ATL2: variants seen among roughly 807,000 people sequenced by gnomAD.
The protein encoded by ATL2 is atlastin GTPase 2.
Under a neutral mutation model 73.9 loss-of-function variants are expected in ATL2, and 31 were observed. That is an observed-to-expected ratio of 0.42 (90% CI 0.32 to 0.57). The LOEUF is 0.57. Ranked by LOEUF, ATL2 falls within the 20% of genes least tolerant of loss-of-function variation. The pLI, the probability that ATL2 is intolerant of heterozygous loss-of-function variation, is 0.14. For synonymous variants in ATL2, 291 were observed against 237.5 expected (o/e 1.23, Z -2.07); for missense variants, 738 against 702.6 (o/e 1.05, Z -0.57).
intron 2 of ATL2, among the ~76,000 whole-genome samples, chr2:38,339,148 G>A (rs1204327501): frequency 6.6e-6 from 1 of 152,098 alleles, no homozygotes; most frequent in Non-Finnish European, 1.5e-5. Flanking sequence ...CTCAGGAGGC[G>A]GAGGTTGCAG....
At chr2:38,370,188 C>T (rs1269045824) in intron 1 of ATL2, among the ~76,000 whole-genome samples, 2 of 145,434 alleles carry the variant, frequency 1.4e-5, no homozygotes, top group African/African-American at 2.6e-5. Context: ...AAATCAAGAC[C>T]GGGCGGTCGC....
chr2:38,363,431 A>G (rs927238544), intron 1 of ATL2, among the ~76,000 whole-genome samples: 5 of 152,072 alleles, frequency 3.3e-5, no homozygotes, highest in Non-Finnish European at 5.9e-5. Context: ...TTTTTCCAAA[A>G]ATTCCCTAGT....
intron 1 of ATL2, among the ~76,000 whole-genome samples, chr2:38,365,327 T>C (rs1671259146): frequency 6.6e-6 from 1 of 151,918 alleles, no homozygotes; most frequent in Admixed American, 6.6e-5. Flanking sequence ...CTGCCACATC[T>C]CTCTACCTCA....
intron 2 of ATL2, among the ~76,000 whole-genome samples, chr2:38,338,522 T>G (rs1330841609): frequency 7.2e-6 from 1 of 139,088 alleles, no homozygotes; most frequent in East Asian, 1.9e-4. Flanking sequence ...GAGCCCACAC[T>G]GATATAAAGG....
chr2:38,330,939 T>C (rs1383095470), intron 2 of ATL2, among the ~76,000 whole-genome samples: 2 of 152,088 alleles, frequency 1.3e-5, no homozygotes, highest in Admixed American at 6.6e-5. Context: ...AAGAACAAAA[T>C]GGGACTCACT....
rs113934072 is a variant in ATL2, at chr2:38,374,992, C to G, written c.118+2151G>C. Among the ~76,000 whole-genome samples the G allele has an allele frequency of 6.0e-3, 907 of 152,238 alleles. 8 individuals are homozygous for G. Among genetic ancestry groups the G allele is most frequent in the African/African-American group, 0.018 (750 of 41,534 alleles). ...GCAGCTACTTCTCCCTAAATAATTTCGAAGAATTTCAAAACACTTTACTAA... is the reference window on the plus strand; with the variant it reads ...GCAGCTACTTCTCCCTAAATAATTTGGAAGAATTTCAAAACACTTTACTAA... On this transcript the variant is annotated intron_variant, in intron 1 of 12. Coordinates refer to ENST00000378954, the MANE Select transcript of ATL2 (RefSeq NM_001135673.4).
At chr2:38,372,685 A>C (rs1407015920) in intron 1 of ATL2, among the ~76,000 whole-genome samples, 1 of 152,256 alleles carries the variant, frequency 6.6e-6, no homozygotes, top group African/African-American at 2.4e-5. Context: ...TCTTATGTTA[A>C]TAACTGAACA....
At chr2:38,351,685 G>A (rs1353795569) in intron 1 of ATL2, among the ~76,000 whole-genome samples, 1 of 151,878 alleles carries the variant, frequency 6.6e-6, no homozygotes, top group Non-Finnish European at 1.5e-5. Context: ...TACTAGAGAT[G>A]GGGTTTCACC....
chr2:38,295,091 A>G lies in ATL2; in HGVS notation c.*903T>C, dbSNP rs1007563553. On this transcript the variant is annotated 3_prime_UTR_variant, in exon 13 of 13. Transcript: ENST00000378954. ...GTCTATGCATTCACACACTGACATG[A>G]GCCACAAACATTCCTTTCACAGGGA... 6.6e-6 allele frequency: 1 copy of G among 152,060 alleles called. No individual in the cohort carries two copies. The highest frequency in any genetic ancestry group is 2.4e-5 in the African/African-American group (1 of 41,386). 9.4% of individuals were successfully genotyped at this position (152,060 alleles called of 1,614,324 possible). A position where few individuals can be genotyped will look rare whatever the true frequency, so the allele number is the denominator to read the frequency against.
At chr2:38,313,940 T>C (rs1667891026) in intron 6 of ATL2, among the ~76,000 whole-genome samples, 2 of 152,146 alleles carry the variant, frequency 1.3e-5, no homozygotes, top group African/African-American at 4.8e-5. Context: ...ATTTCACCTA[T>C]ATATCCAAAA....
In ATL2 at chr2:38,318,874, C is replaced by A. The variant is rs377563971; in HGVS notation, c.498+11G>T. ...AGAATACAGGGTAGAAAAGTATAAA[C>A]AGAATTTTACTTTAGTTCCATTAGG... is the stretch of plus-strand genomic sequence containing the variant. On this transcript the variant is annotated intron_variant, in intron 3 of 12. Coordinates refer to ENST00000378954, the MANE Select transcript of ATL2 (RefSeq NM_001135673.4). 12 of 1,608,832 alleles carry A rather than the reference C, an allele frequency of 7.5e-6. No homozygotes were observed. In the African/African-American group the frequency reaches 8.0e-5, roughly 11 times the overall value.
intron 1 of ATL2, among the ~76,000 whole-genome samples, chr2:38,364,621 G>A (rs1671199491): frequency 1.3e-5 from 2 of 152,154 alleles, no homozygotes; most frequent in South Asian, 2.1e-4. Flanking sequence ...CCTATTTCCG[G>A]AAGTATTTTT....
At chr2:38,374,903 G>A (rs549198357) in intron 1 of ATL2, among the ~76,000 whole-genome samples, 4 of 152,102 alleles carry the variant, frequency 2.6e-5, no homozygotes, top group Non-Finnish European at 5.9e-5. Context: ...ATGTGCACTC[G>A]ACTTAAGGCC....
chr2:38,361,245 T>C (rs1248718493), intron 1 of ATL2, among the ~76,000 whole-genome samples: 1 of 147,024 alleles, frequency 6.8e-6, no homozygotes, highest in African/African-American at 2.5e-5. Context: ...TCCCAGCTAC[T>C]AGGGAGGCTG....
intron 1 of ATL2, among the ~76,000 whole-genome samples, chr2:38,375,444 C>A (rs1405410112): frequency 1.3e-5 from 2 of 152,096 alleles, no homozygotes; most frequent in African/African-American, 4.8e-5. Flanking sequence ...GAGTAGCAGA[C>A]AAAAGCATTT....
chr2:38,299,870 T>C lies in ATL2; in HGVS notation c.1128+402A>G, dbSNP rs182836041. Among the ~76,000 whole-genome samples, 269 of 152,340 alleles carry C rather than the reference T, an allele frequency of 1.8e-3. 2 individuals carry two copies. Among genetic ancestry groups the C allele is most frequent in the African/African-American group, 5.9e-3 (247 of 41,574 alleles). On this transcript the variant is annotated intron_variant, in intron 10 of 12. Coordinates refer to ENST00000378954, the MANE Select transcript of ATL2 (RefSeq NM_001135673.4). Reference sequence around the variant, plus strand: ...AGACAGAAAAAGAAGTGAGACTATATTCACTAGAAGTAGCTCTAAATCATT... The same window carrying C: ...AGACAGAAAAAGAAGTGAGACTATACTCACTAGAAGTAGCTCTAAATCATT...
chr2:38,319,852 A>T (rs1668223733), intron 2 of ATL2, among the ~76,000 whole-genome samples: 1 of 152,136 alleles, frequency 6.6e-6, no homozygotes, highest in Non-Finnish European at 1.5e-5. Flanking sequence ...TCATGCCTGT[A>T]ACCCTAGCAC....
intron 2 of ATL2, among the ~76,000 whole-genome samples, chr2:38,331,299 G>T (rs1573502092): frequency 6.6e-6 from 1 of 151,998 alleles, no homozygotes; most frequent in South Asian, 2.1e-4. Context: ...AGCTGGGCAT[G>T]GTGGCGCACA....
At chr2:38,352,473 G>A (rs1165839143) in intron 1 of ATL2, among the ~76,000 whole-genome samples, 1 of 152,132 alleles carries the variant, frequency 6.6e-6, no homozygotes, top group Non-Finnish European at 1.5e-5. Flanking sequence ...AGAGCACAAA[G>A]ATCTGAATTC....
Sources: gnomAD v4.1 joint callset for allele counts (sites outside exome capture counted in the v4.1 genomes callset) on GRCh38, gnomAD v4.1.1 for gene constraint, MANE v1.5 for transcripts, NCBI Gene and HGNC (gene_info 2026-07-23, HGNC 2026-07-21) for gene names.